TCEA1: variants seen among roughly 807,000 people sequenced by gnomAD.
TCEA1 encodes transcription elongation factor A protein 1.
A neutral mutation model predicts 43.8 loss-of-function variants in TCEA1; 21 were observed. The observed-to-expected ratio is 0.48, with a 90% CI of 0.34 to 0.69. The LOEUF is 0.69. Ranked by LOEUF, TCEA1 falls within the 30% of genes least tolerant of loss-of-function variation. TCEA1 has a pLI of 0.01. For synonymous variants in TCEA1, 104 were observed against 117.5 expected (o/e 0.88, Z 0.75); for missense variants, 250 against 365.1 (o/e 0.68, Z 2.57).
chr8:54,003,088 T>C (rs1389178506), intron 2 of TCEA1: 3 of 456,300 alleles, frequency 6.6e-6, no homozygotes, highest in South Asian at 4.6e-5. Flanking sequence ...AGGTAGCCAC[T>C]AAATCTTAAG....
intron 1 of TCEA1, among the ~76,000 whole-genome samples, chr8:54,021,172 A>G (rs982783397): frequency 7.9e-5 from 12 of 152,184 alleles, no homozygotes; most frequent in Non-Finnish European, 1.5e-4. Context: ...TTGTGCAACA[A>G]GAGTTAAACT....
intron 2 of TCEA1, among the ~76,000 whole-genome samples, chr8:54,001,263 CAA>C (rs1804248533): frequency 6.6e-6 from 1 of 151,886 alleles, no homozygotes; most frequent in South Asian, 2.1e-4. Context: ...AAAAAAATAA[CAA>C]AAGGAATTCT....
intron 3 of TCEA1, among the ~76,000 whole-genome samples, chr8:53,994,504 A>C (rs1372307080): frequency 6.6e-6 from 1 of 152,220 alleles, no homozygotes; most frequent in Non-Finnish European, 1.5e-5. Flanking sequence ...CCTCAGGATG[A>C]GTAAGACCTA....
intron 1 of TCEA1, among the ~76,000 whole-genome samples, chr8:54,017,867 C>T (rs1305842388): frequency 1.3e-5 from 2 of 152,116 alleles, no homozygotes; most frequent in Non-Finnish European, 2.9e-5. Context: ...TTGCAGTGAG[C>T]CAAGATCATG....
chr8:54,017,808 T>C (rs1473790803), intron 1 of TCEA1, among the ~76,000 whole-genome samples: 1 of 152,118 alleles, frequency 6.6e-6, no homozygotes, highest in Non-Finnish European at 1.5e-5. Flanking sequence ...TAGTCCCAGC[T>C]ACTCGGGAAG....
intron 8 of TCEA1, chr8:53,972,880 C>T: frequency 1.4e-6 from 1 of 701,116 alleles, no homozygotes. Context: ...CCAGATGATA[C>T]TACTTTTGAT....
chr8:53,981,901 C>T (rs1052980805), intron 7 of TCEA1, among the ~76,000 whole-genome samples: 2 of 151,346 alleles, frequency 1.3e-5, no homozygotes, highest in African/African-American at 4.9e-5. Context: ...TACAGGAACG[C>T]ACCACACCAT....
chr8:53,971,516 C>A (rs953443994), intron 8 of TCEA1: 2 of 153,026 alleles, frequency 1.3e-5, no homozygotes, highest in African/African-American at 4.8e-5. Flanking sequence ...GAGGCTGAGG[C>A]AGAAGAATAA....
chr8:53,972,909 G>A, intron 8 of TCEA1: 1 of 678,330 alleles, frequency 1.5e-6, no homozygotes, highest in South Asian at 1.4e-5. Context: ...GAAGGACGTA[G>A]CCTCAGAGGT....
chr8:54,012,336 T>C (rs1032204654), intron 1 of TCEA1, among the ~76,000 whole-genome samples: 3 of 152,106 alleles, frequency 2.0e-5, no homozygotes, highest in African/African-American at 4.8e-5. Context: ...CCGAGGTGGA[T>C]GGATCACGAG....
In TCEA1 at chr8:54,022,254, C is replaced by T. The variant is rs1805071162; in HGVS notation, c.-129G>A. The T allele has an allele frequency of 7.6e-6, 9 of 1,185,948 alleles. No homozygotes were observed. The South Asian group carries it at 8.9e-5, about 12-fold the overall frequency. 73.5% of individuals were successfully genotyped at this position (1,185,948 alleles called of 1,614,324 possible). On this transcript the variant is annotated 5_prime_UTR_variant, in exon 1 of 10. Coordinates refer to ENST00000521604, the MANE Select transcript of TCEA1 (RefSeq NM_006756.4). ...CACCACCGCAGGCCCGGGCCTAGGC[C>T]CCCTTCCTTACGAACGAAGCCCGCG... is the stretch of plus-strand genomic sequence containing the variant.
chr8:53,984,494 T>C lies in TCEA1; in HGVS notation c.547A>G (p.Thr183Ala), dbSNP rs1181195458. The C allele has an allele frequency of 6.3e-7, 1 of 1,591,618 alleles. No homozygotes were observed. Among genetic ancestry groups the C allele is most frequent in the African/African-American group, 1.4e-5 (1 of 73,964 alleles). ...ACTCTATTTTTGTATTTCATGTCTG[T>C]ATTCCTTATTTCTTGATATATAGGT... The part of the protein sequence containing the change: ...EEAIYQEIRN[T>A]DMKYKNRVRS... Residue 183 changes from threonine (T) to alanine (A), a missense_variant, in exon 7 of 10, where the codon ACA becomes GCA. Thr to Ala is a moderately conservative substitution (Grantham distance 58, BLOSUM62 0). Transcript: ENST00000521604.
intron 9 of TCEA1, among the ~76,000 whole-genome samples, chr8:53,969,698 T>G (rs1803100738): frequency 2.0e-5 from 3 of 152,288 alleles, no homozygotes; most frequent in African/African-American, 7.2e-5. Context: ...CAAAATCAGT[T>G]TGTATGATTC....
intron 1 of TCEA1, among the ~76,000 whole-genome samples, chr8:54,016,427 C>T (rs1172106875): frequency 6.6e-6 from 1 of 152,080 alleles, no homozygotes; most frequent in Non-Finnish European, 1.5e-5. Context: ...GCCATCACAC[C>T]ACTGCACTCC....
chr8:53,989,435 T>C (rs1803801813), intron 4 of TCEA1, among the ~76,000 whole-genome samples: 1 of 152,234 alleles, frequency 6.6e-6, no homozygotes, highest in African/African-American at 2.4e-5. Context: ...TACAAGAACA[T>C]ACTCCCTTGC....
intron 4 of TCEA1, among the ~76,000 whole-genome samples, chr8:53,991,562 C>T (rs1053012895): frequency 5.9e-5 from 9 of 151,810 alleles, no homozygotes; most frequent in Admixed American, 5.2e-4. Context: ...GGCATGGTGG[C>T]ACATGCCTGT....
At position 54,010,330 on chromosome 8, in the gene TCEA1, C is replaced by G; in HGVS notation, c.126+100G>C. The G allele has an allele frequency of 4.5e-6, 4 of 886,002 alleles. No individual in the cohort carries two copies. In the East Asian group the frequency reaches 1.1e-4, roughly 24 times the overall value. The allele number at this position is 886,002 out of a possible 1,614,324, so 54.9% of individuals were successfully genotyped here. On this transcript the variant is annotated intron_variant, in intron 2 of 9. Transcript: ENST00000521604. ...AAATAGCAGTTAGTAATGGTTTACA[C>G]CATTATCAAGAGACTACAAAAACAT... is the stretch of plus-strand genomic sequence containing the variant.
At chr8:53,980,946 A>G (rs1803481218) in intron 7 of TCEA1, among the ~76,000 whole-genome samples, 1 of 152,242 alleles carries the variant, frequency 6.6e-6, no homozygotes, top group Admixed American at 6.5e-5. Flanking sequence ...GAACACATGA[A>G]TAATGATCAA....
rs938195285 is a variant in TCEA1, at chr8:53,988,118, T to C, written c.462A>G (p.Thr154=). The C allele has an allele frequency of 6.2e-7, 1 of 1,610,952 alleles. No individual in the cohort carries two copies. The highest frequency in any genetic ancestry group is 1.1e-5 in the South Asian group (1 of 90,672). ...CREMLAAALR[T]GDDYIAIGAD... is the part of the protein sequence containing the mutation. ...AATAACATGCACTGGACTTACCCCC[T>C]GTTCGAAGAGCTGCAGCAAGCATCT... The change falls in exon 5 of 10, where the codon ACA becomes ACG. Residue 154 remains threonine (T), a synonymous_variant. Coordinates refer to ENST00000521604, the MANE Select transcript of TCEA1 (RefSeq NM_006756.4).
Sources: allele counts gnomAD v4.1 joint callset (sites outside exome capture counted in the v4.1 genomes callset), GRCh38; gene constraint gnomAD v4.1.1; transcripts MANE v1.5; gene names NCBI Gene and HGNC (gene_info 2026-07-23, HGNC 2026-07-21).